LYPD6B: variants seen among roughly 807,000 people sequenced by gnomAD.
LYPD6B encodes the protein ly6/PLAUR domain-containing protein 6B.
LYPD6B carries 17 observed loss-of-function variants against 22.8 expected under a neutral mutation model. The observed-to-expected ratio is 0.75, with a 90% CI of 0.51 to 1.12. LYPD6B has a LOEUF of 1.12. LYPD6B is among the 50% of genes most tolerant of loss of function. The pLI is 0.00. For missense variants in LYPD6B, 221 were observed against 258.3 expected, an observed-to-expected ratio of 0.86 and a Z score of 0.99; for synonymous variants, 106 against 91.6, an observed-to-expected ratio of 1.16 and a Z score of -0.90.
intron 3 of LYPD6B, 98 bp downstream of exon 3, chr2:149,160,933 T>G (rs1321303465): frequency 1.1e-6 from 1 of 882,140 alleles, no homozygotes; most frequent in Non-Finnish European, 1.8e-6. Flanking sequence ...GGACCCTGTG[T>G]TTTTCCCATC....
intron 1 of LYPD6B, among the ~76,000 whole-genome samples, chr2:149,056,821 A>G (rs548319440): frequency 6.6e-6 from 1 of 152,228 alleles, no homozygotes; most frequent in Admixed American, 6.5e-5. Context: ...TGCGAAGACT[A>G]CTCAGCATTG....
intron 1 of LYPD6B, among the ~76,000 whole-genome samples, chr2:149,096,734 G>A (rs1558994937): frequency 6.6e-6 from 1 of 152,084 alleles, no homozygotes; most frequent in Non-Finnish European, 1.5e-5. Context: ...CTTACTTTCT[G>A]CAGGTGGGAA....
intron 1 of LYPD6B, among the ~76,000 whole-genome samples, chr2:149,062,843 T>G (rs1356044339): frequency 6.6e-6 from 1 of 151,500 alleles, no homozygotes; most frequent in Non-Finnish European, 1.5e-5. Context: ...AGATGAAAGC[T>G]TTCAGTGATA....
intron 1 of LYPD6B, among the ~76,000 whole-genome samples, chr2:149,124,618 T>G (rs1351024182): frequency 2.6e-5 from 4 of 152,220 alleles, no homozygotes; most frequent in Non-Finnish European, 5.9e-5. Context: ...TTATTGCCAC[T>G]GCTCACTAAT....
At chr2:149,074,034 A>G (rs898548363) in intron 1 of LYPD6B, among the ~76,000 whole-genome samples, 2 of 152,164 alleles carry the variant, frequency 1.3e-5, no homozygotes, top group South Asian at 4.1e-4. Flanking sequence ...GCATCTAAGG[A>G]TCAATATTAA....
At chr2:149,054,070 A>G (rs969885438) in intron 1 of LYPD6B, among the ~76,000 whole-genome samples, 1 of 152,256 alleles carries the variant, frequency 6.6e-6, no homozygotes, top group African/African-American at 2.4e-5. Context: ...GCATTCATGT[A>G]TAAGTGTTTG....
chr2:149,100,917 C>T (rs539369537), intron 1 of LYPD6B, among the ~76,000 whole-genome samples: 10 of 152,294 alleles, frequency 6.6e-5, no homozygotes, highest in Admixed American at 1.3e-4. Context: ...CCCCTCCTGC[C>T]GTCAGCTGTC....
chr2:149,058,789 T>C (rs1179020721), intron 1 of LYPD6B, among the ~76,000 whole-genome samples: 1 of 152,126 alleles, frequency 6.6e-6, no homozygotes, highest in Non-Finnish European at 1.5e-5. Flanking sequence ...CCAGCTAATT[T>C]TTGTATTTTT....
chr2:149,183,368 A>G (rs188101626), intron 3 of LYPD6B, among the ~76,000 whole-genome samples: 231 of 152,312 alleles, frequency 1.5e-3, no homozygotes, highest in African/African-American at 5.2e-3. Flanking sequence ...GTCTGTACCC[A>G]TCCATTTATT....
intron 4 of LYPD6B, chr2:149,206,324 A>G (rs1693502837): frequency 9.0e-6 from 2 of 221,836 alleles, no homozygotes; most frequent in Admixed American, 5.1e-5. Flanking sequence ...TGAGATCTGT[A>G]TCATTACTGT....
At chr2:149,155,226 C>T (rs537015517) in intron 2 of LYPD6B, among the ~76,000 whole-genome samples, 2 of 152,258 alleles carry the variant, frequency 1.3e-5, no homozygotes, top group East Asian at 1.9e-4. Context: ...CTCTGCAGCC[C>T]GCAGAATCAG....
intron 2 of LYPD6B, among the ~76,000 whole-genome samples, chr2:149,156,190 G>C (rs1448380310): frequency 1.3e-5 from 2 of 152,170 alleles, no homozygotes; most frequent in African/African-American, 4.8e-5. Context: ...TCATGCTATG[G>C]TGATCAGAGG....
In LYPD6B at chr2:149,171,345, T is replaced by A. The variant is rs139293596; in HGVS notation, c.77+10510T>A. 6.8e-3 allele frequency among the ~76,000 whole-genome samples: 1,030 copies of A among 151,998 alleles called. 5 individuals are homozygous for A. The highest frequency in any genetic ancestry group is 0.02 in the Middle Eastern group (6 of 294). On this transcript the variant is annotated intron_variant, in intron 3 of 6. Coordinates refer to ENST00000409642, the MANE Select transcript of LYPD6B (RefSeq NM_177964.5). ...TGACAGTCATTTTAATGATTTATTT[T>A]CTTTTTCATTATCAAAAAACAAATA...
chr2:149,049,665 C>G (rs1020506137), intron 1 of LYPD6B, among the ~76,000 whole-genome samples: 1 of 152,120 alleles, frequency 6.6e-6, no homozygotes, highest in Non-Finnish European at 1.5e-5. Context: ...AGGTAACATG[C>G]CCAGGATTTC....
At chr2:149,042,774 A>G (rs1683143207) in intron 1 of LYPD6B, among the ~76,000 whole-genome samples, 2 of 152,230 alleles carry the variant, frequency 1.3e-5, no homozygotes, top group African/African-American at 4.8e-5. Context: ...AACAAACTGG[A>G]TATAGTGCTG....
intron 1 of LYPD6B, among the ~76,000 whole-genome samples, chr2:149,080,613 G>A (rs1685077700): frequency 6.6e-6 from 1 of 151,976 alleles, no homozygotes. Flanking sequence ...AGGCCAAGGT[G>A]GGCGGATCAC....
At chr2:149,173,925 T>C (rs1691050113) in intron 3 of LYPD6B, among the ~76,000 whole-genome samples, 1 of 152,350 alleles carries the variant, frequency 6.6e-6, no homozygotes, top group South Asian at 2.1e-4. Context: ...TCTAATTCTG[T>C]GAAGAATGTC....
intron 3 of LYPD6B, 119 bp downstream of exon 3, chr2:149,160,954 T>C: frequency 2.7e-6 from 2 of 749,256 alleles, no homozygotes; most frequent in South Asian, 1.6e-5. Flanking sequence ...TCCTTGGCAG[T>C]TTGCCAGGTT....
chr2:149,172,140 C>G (rs1158078447), intron 3 of LYPD6B, among the ~76,000 whole-genome samples: 4 of 152,184 alleles, frequency 2.6e-5, no homozygotes, highest in African/African-American at 9.7e-5. Context: ...CAAACATGTC[C>G]TTCTTCACAT....
Sources: allele counts gnomAD v4.1 joint callset (sites outside exome capture counted in the v4.1 genomes callset), GRCh38; gene constraint gnomAD v4.1.1; transcripts MANE v1.5; gene names NCBI Gene and HGNC (gene_info 2026-07-23, HGNC 2026-07-21).